CYP20A1: variants seen among roughly 807,000 people sequenced by gnomAD.
CYP20A1 encodes the protein cytochrome P450 family 20 subfamily A member 1, also known as cytochrome P450 20A1.
CYP20A1 carries 61 observed loss-of-function variants against 61.4 expected under a neutral mutation model. The ratio of observed to expected loss-of-function variants is 0.99; its 90% CI spans 0.81 to 1.23. The LOEUF (loss-of-function observed/expected upper bound fraction) is 1.23. Ranked by LOEUF, CYP20A1 falls within the 50% of genes most tolerant of loss-of-function variation. The pLI, the probability that CYP20A1 is intolerant of heterozygous loss-of-function variation, is 0.00. For synonymous variants in CYP20A1, 193 were observed against 188.2 expected (o/e 1.03, Z -0.21); for missense variants, 530 against 542.4 (o/e 0.98, Z 0.23).
chr2:203,278,793 T>TC (rs1291436093), intron 7 of CYP20A1, 105 bp downstream of exon 7: 6 of 611,024 alleles, frequency 9.8e-6, no homozygotes, highest in Non-Finnish European at 1.7e-5. Flanking sequence ...GGTGGGAGGA[T>TC]CACTTGAACC....
In CYP20A1 at chr2:203,298,648, CCA is replaced by C. The variant is rs2068903024; in HGVS notation, c.*1741_*1742del. Among the ~76,000 whole-genome samples the C allele has an allele frequency of 2.0e-5, 3 of 149,556 alleles. No individual in the cohort carries two copies. Among genetic ancestry groups the C allele is most frequent in the East Asian group, 2.0e-4 (1 of 5,086 alleles). ...CCTGGGAGGCAGAGGTTGCAGTGAG[CCA>C]AGATCGCACCACTGCACTCCAGCCT... On this transcript the variant is annotated 3_prime_UTR_variant, in exon 13 of 13. Coordinates refer to ENST00000356079, the MANE Select transcript of CYP20A1 (RefSeq NM_177538.3).
chr2:203,251,004 C>T (rs2066646803), intron 3 of CYP20A1, among the ~76,000 whole-genome samples: 1 of 121,736 alleles, frequency 8.2e-6, no homozygotes, highest in African/African-American at 3.1e-5. Flanking sequence ...GCGGAGCTTG[C>T]GGTGAGCCAA....
In CYP20A1 at chr2:203,301,559, C is replaced by T. The variant is rs116443099; in HGVS notation, c.*4651C>T. Among the ~76,000 whole-genome samples, 4,193 of 152,176 alleles carry T rather than the reference C, an allele frequency of 0.028. 71 individuals carry two copies. Among genetic ancestry groups the T allele is most frequent in the Non-Finnish European group, 0.043 (2,900 of 68,006 alleles). On this transcript the variant is annotated 3_prime_UTR_variant, in exon 13 of 13. Coordinates refer to ENST00000356079, the MANE Select transcript of CYP20A1 (RefSeq NM_177538.3). Reference sequence around the variant, plus strand: ...GTGTTGAGATTGCAGGTGTGAGCCACGGCACCTGGTCCATAAAACATTTTT... The same window carrying T: ...GTGTTGAGATTGCAGGTGTGAGCCATGGCACCTGGTCCATAAAACATTTTT...
rs113064741 is a variant in CYP20A1 at position 203,285,720 on chromosome 2, T to C, written c.959T>C (p.Ile320Thr). The C allele has an allele frequency of 9.0e-5, 143 of 1,593,552 alleles. 1 individual carries two copies. The highest frequency in any genetic ancestry group is 8.2e-4 in the African/African-American group (60 of 73,604). ...FGNGPVTPEK[I>T]EQLRYCQHVL... is the part of the protein sequence containing the mutation. ...AATGGTCCTGTTACTCCAGAGAAAA[T>C]TGAGCAGCTCAGGTAAGAACACAAT... Residue 320 changes from isoleucine (I) to threonine (T), a missense_variant, in exon 9 of 13, where the codon ATT (isoleucine) becomes ACT (threonine). Coordinates refer to ENST00000356079, the MANE Select transcript of CYP20A1 (RefSeq NM_177538.3).
Position 203,251,789 on chromosome 2 carries a change from A to ATG in CYP20A1, c.290-174_290-173dup, listed in dbSNP as rs1303525265. On this transcript the variant is annotated intron_variant, in intron 3 of 12. Transcript: ENST00000356079. ...TGTCTCAAAAGAAAACTATATATAT[A>ATG]TGTGTATATATATATATATATATAT... Among the ~76,000 whole-genome samples, 310 of 31,322 alleles carry ATG rather than the reference A, an allele frequency of 9.9e-3. 14 individuals are homozygous for ATG. The highest frequency in any genetic ancestry group is 0.017 in the African/African-American group (183 of 10,768). The allele number at this position is 31,322 out of a possible 152,430, so 20.5% of individuals were successfully genotyped here.
intron 9 of CYP20A1, among the ~76,000 whole-genome samples, chr2:203,286,002 A>G (rs184795847): frequency 1.3e-5 from 2 of 152,336 alleles, no homozygotes; most frequent in East Asian, 3.9e-4. Flanking sequence ...AGACAGCCAC[A>G]TTAGATAATA....
Position 203,283,211 on chromosome 2 carries a change from ATTTTTTT to A in CYP20A1, c.851-2384_851-2378del, listed in dbSNP as rs371972851. On this transcript the variant is annotated intron_variant, in intron 8 of 12. Transcript: ENST00000356079. ...CCACAAACCAAAAGTCAATGTGAGAATTTTTTTTTTTTTTTTTTTTTTTGAGGCAGAG... is the reference window on the plus strand; with the variant it reads ...CCACAAACCAAAAGTCAATGTGAGAATTTTTTTTTTTTTTTTGAGGCAGAG... Among the ~76,000 whole-genome samples the A allele has an allele frequency of 1.2e-4, 10 of 83,512 alleles. 1 individual carries two copies. The South Asian group carries it at 4.8e-3, about 40-fold the overall frequency. The allele number at this position is 83,512 out of a possible 152,430, so 54.8% of individuals were successfully genotyped here. A position where few individuals can be genotyped will look rare whatever the true frequency, so the allele number is the denominator to read the frequency against.
intron 7 of CYP20A1, 107 bp from the exon 8 acceptor site, chr2:203,279,952 C>CTT: frequency 1.5e-6 from 1 of 657,300 alleles, no homozygotes; most frequent in Non-Finnish European, 2.3e-6. Flanking sequence ...AAATAATATA[C>CTT]TTTTTTTTTC....
intron 8 of CYP20A1, among the ~76,000 whole-genome samples, chr2:203,281,874 G>T (rs933987902): frequency 2.6e-5 from 4 of 151,976 alleles, no homozygotes; most frequent in African/African-American, 7.3e-5. Flanking sequence ...TCACTTGAAG[G>T]ATTTCATTTA....
chr2:203,247,709 T>C (rs1218615995), intron 3 of CYP20A1, among the ~76,000 whole-genome samples: 1 of 151,884 alleles, frequency 6.6e-6, no homozygotes, highest in Non-Finnish European at 1.5e-5. Context: ...ATACAAAAAT[T>C]AGCTGAGCGT....
At chr2:203,257,410 A>G (rs2066933757) in intron 4 of CYP20A1, among the ~76,000 whole-genome samples, 1 of 151,864 alleles carries the variant, frequency 6.6e-6, no homozygotes, top group Admixed American at 6.6e-5. Flanking sequence ...AAATGTTCTG[A>G]CTACACATTG....
chr2:203,288,881 C>T lies in CYP20A1; in HGVS notation c.972-884C>T, dbSNP rs1308015708. ...CTGTAAAATTAGAATAATAATAGTA[C>T]CCATGGGTTTCTTGTAAGGATTCGA... On this transcript the variant is annotated intron_variant, in intron 9 of 12. Transcript: ENST00000356079. Among the ~76,000 whole-genome samples the T allele has an allele frequency of 2.0e-5, 3 of 152,076 alleles. No homozygotes were observed. In the East Asian group the frequency reaches 5.8e-4, roughly 29 times the overall value.
intron 1 of CYP20A1, among the ~76,000 whole-genome samples, chr2:203,240,999 G>T (rs368588310): frequency 1.8e-4 from 27 of 152,188 alleles, no homozygotes; most frequent in East Asian, 7.7e-4. Context: ...TAATTAGGAG[G>T]ATATTATCAT....
intron 3 of CYP20A1, among the ~76,000 whole-genome samples, chr2:203,247,758 G>A (rs1346296136): frequency 6.6e-6 from 1 of 152,112 alleles, no homozygotes; most frequent in Non-Finnish European, 1.5e-5. Context: ...TCGGGAGGCT[G>A]AGGCAAGAGA....
intron 4 of CYP20A1, among the ~76,000 whole-genome samples, chr2:203,253,228 G>A (rs797011502): frequency 8.5e-5 from 13 of 152,272 alleles, no homozygotes; most frequent in African/African-American, 2.9e-4. Flanking sequence ...TTCCTGAAGC[G>A]CACTGTTTCT....
At chr2:203,283,957 T>C (rs1459424626) in intron 8 of CYP20A1, among the ~76,000 whole-genome samples, 1 of 152,172 alleles carries the variant, frequency 6.6e-6, no homozygotes. Flanking sequence ...TGTTGTAAAA[T>C]TGTGTGACAT....
intron 11 of CYP20A1, among the ~76,000 whole-genome samples, chr2:203,294,292 C>T (rs1216553054): frequency 6.6e-6 from 1 of 151,916 alleles, no homozygotes; most frequent in Non-Finnish European, 1.5e-5. Flanking sequence ...AATCCCAGCA[C>T]TTTGGGAGGC....
intron 4 of CYP20A1, among the ~76,000 whole-genome samples, chr2:203,253,216 G>A (rs184325378): frequency 2.0e-5 from 3 of 152,106 alleles, no homozygotes; most frequent in South Asian, 2.1e-4. Context: ...ACCTTACTGC[G>A]GTTCCTGAAG....
intron 1 of CYP20A1, among the ~76,000 whole-genome samples, chr2:203,244,934 G>A (rs1429494086): frequency 2.3e-4 from 35 of 151,344 alleles, no homozygotes; most frequent in Admixed American, 1.4e-3. Flanking sequence ...GGGTTTCACC[G>A]TGTTAGCCAG....
Sources: gnomAD v4.1 joint callset for allele counts (sites outside exome capture counted in the v4.1 genomes callset) on GRCh38, gnomAD v4.1.1 for gene constraint, MANE v1.5 for transcripts, NCBI Gene and HGNC (gene_info 2026-07-23, HGNC 2026-07-21) for gene names.